CALCOCO2: variants seen among roughly 807,000 people sequenced by gnomAD.
The protein encoded by CALCOCO2 is calcium binding and coiled-coil domain 2, also known as calcium-binding and coiled-coil domain-containing protein 2.
CALCOCO2 carries 42 observed loss-of-function variants against 62.5 expected under a neutral mutation model. That is an observed-to-expected ratio of 0.67 (90% CI 0.53 to 0.87). The LOEUF (loss-of-function observed/expected upper bound fraction) is 0.87, where lower values mean the gene tolerates loss of function less well. CALCOCO2 is among the 40% of genes least tolerant of loss of function. The probability of loss-of-function intolerance (pLI) is 0.00; values close to 1 mark genes in which losing one functional copy is unlikely to be tolerated. For synonymous variants in CALCOCO2, 167 were observed against 173.0 expected, an observed-to-expected ratio of 0.97 and a Z score of 0.27; for missense variants, 456 against 515.0, an observed-to-expected ratio of 0.89 and a Z score of 1.11.
At chr17:48,844,854 T>C (rs1188928256) in intron 2 of CALCOCO2, among the ~76,000 whole-genome samples, 1 of 152,082 alleles carries the variant, frequency 6.6e-6, no homozygotes, top group East Asian at 1.9e-4. Flanking sequence ...TTTAAAAATA[T>C]TTTGTCCAGG....
At chr17:48,836,758 C>CT (rs762035927) in intron 1 of CALCOCO2, among the ~76,000 whole-genome samples, 1,436 of 122,318 alleles carry the variant, frequency 0.012, 31 homozygotes, top group African/African-American at 0.03. Flanking sequence ...GGAAGTCACT[C>CT]TTTTTTTTTT....
intron 1 of CALCOCO2, among the ~76,000 whole-genome samples, chr17:48,833,546 C>CAA (rs10583747): frequency 7.8e-6 from 1 of 128,480 alleles, no homozygotes; most frequent in Non-Finnish European, 1.7e-5. Flanking sequence ...GACTCTGTCT[C>CAA]AAAAAAAAAA....
intron 7 of CALCOCO2, 198 bp from the exon 8 acceptor site, chr17:48,852,308 G>A (rs1337793686): frequency 1.9e-6 from 1 of 517,404 alleles, no homozygotes; most frequent in African/African-American, 1.9e-5. Context: ...ATATAGAGCA[G>A]ATAGCAGAAC....
chr17:48,840,955 G>A (rs1487348360), intron 1 of CALCOCO2, among the ~76,000 whole-genome samples: 1 of 152,162 alleles, frequency 6.6e-6, no homozygotes, highest in African/African-American at 2.4e-5. Context: ...TGTGTGAAGT[G>A]CCTACAATGG....
chr17:48,861,090 G>T (rs141174762), intron 11 of CALCOCO2, among the ~76,000 whole-genome samples: 7 of 152,064 alleles, frequency 4.6e-5, no homozygotes, highest in African/African-American at 1.7e-4. Context: ...GTTTGTGGCC[G>T]TGCGCGGTGG....
intron 9 of CALCOCO2, chr17:48,853,264 C>A: frequency 4.9e-6 from 2 of 410,294 alleles, no homozygotes; most frequent in Non-Finnish European, 9.1e-6. Context: ...TTAACTAGAT[C>A]CTTGGACTAG....
intron 10 of CALCOCO2, among the ~76,000 whole-genome samples, chr17:48,858,755 G>A (rs2040280807): frequency 6.6e-6 from 1 of 151,970 alleles, no homozygotes; most frequent in Admixed American, 6.6e-5. Flanking sequence ...GTATTTGGAA[G>A]CTTTGTTAAG....
chr17:48,854,378 T>TTTTATATA (rs1489635512), intron 9 of CALCOCO2, among the ~76,000 whole-genome samples: 5 of 12,160 alleles, frequency 4.1e-4, no homozygotes, highest in Non-Finnish European at 7.5e-4. Flanking sequence ...TGGTTTTCTT[T>TTTTATATA]TATTTATATA....
chr17:48,854,402 T>A (rs1468126220), intron 9 of CALCOCO2, among the ~76,000 whole-genome samples: 379 of 5,956 alleles, frequency 0.064, 33 homozygotes, highest in African/African-American at 0.12. Context: ...ATATATTTTT[T>A]TTTTTTTTTT....
At chr17:48,850,231 A>ATG (rs2040108566) in intron 5 of CALCOCO2, among the ~76,000 whole-genome samples, 1 of 152,108 alleles carries the variant, frequency 6.6e-6, no homozygotes, top group African/African-American at 2.4e-5. Flanking sequence ...CCTGGGAGGC[A>ATG]GAGGTTGCAG....
chr17:48,842,634 A>ACAATGCCTAG (rs1329734996), intron 2 of CALCOCO2: 2 of 148,698 alleles, frequency 1.3e-5, no homozygotes, highest in Non-Finnish European at 3.0e-5. Context: ...ACAATGCCTA[A>ACAATGCCTAG]CTGATTTCTT....
chr17:48,848,379 G>C lies in CALCOCO2; in HGVS notation c.341G>C (p.Gly114Ala), dbSNP rs531945393. Residue 114 changes from glycine to alanine, a missense_variant, in exon 4 of 13, where the codon GGT (glycine) becomes GCT (alanine). Gly to Ala is a moderately conservative substitution (Grantham distance 60). Transcript: ENST00000258947. ...CAGTTCTGCTATGTGGATGAGGATG[G>C]TGTGGTCCGGGGAGCAAGTATTCCT... ...YYQFCYVDED[G>A]VVRGASIPFQ... is the part of the protein sequence containing the mutation. The C allele has an allele frequency of 2.7e-4, 439 of 1,613,220 alleles. 8 individuals carry two copies. In the South Asian group the frequency reaches 4.6e-3, roughly 17 times the overall value.
chr17:48,832,294 T>C (rs2039825113), intron 1 of CALCOCO2, among the ~76,000 whole-genome samples: 1 of 152,178 alleles, frequency 6.6e-6, no homozygotes, highest in South Asian at 2.1e-4. Context: ...CTTGGGAGGC[T>C]GAGGCAGGAG....
intron 11 of CALCOCO2, among the ~76,000 whole-genome samples, chr17:48,861,656 T>TGC (rs1295620334): frequency 2.2e-5 from 1 of 45,110 alleles, no homozygotes; most frequent in Non-Finnish European, 4.8e-5. Context: ...TATATATGTG[T>TGC]GTGTGTATAT....
intron 9 of CALCOCO2, among the ~76,000 whole-genome samples, chr17:48,855,413 A>G (rs2040201360): frequency 6.6e-6 from 1 of 152,188 alleles, no homozygotes; most frequent in South Asian, 2.1e-4. Flanking sequence ...GGGCACCAGC[A>G]TTCAAATAAA....
intron 1 of CALCOCO2, among the ~76,000 whole-genome samples, chr17:48,832,875 G>A (rs1262150577): frequency 2.0e-5 from 3 of 152,148 alleles, no homozygotes; most frequent in East Asian, 3.8e-4. Flanking sequence ...TAGAACTGGC[G>A]CCAGCACTAT....
chr17:48,848,514 G>A, intron 4 of CALCOCO2, 59 bp downstream of exon 4: 1 of 1,512,684 alleles, frequency 6.6e-7, no homozygotes, highest in Non-Finnish European at 9.1e-7. Flanking sequence ...ATATAGGATA[G>A]GATGGAATTT....
At chr17:48,846,031 C>T in intron 2 of CALCOCO2, 1 of 1,422,676 alleles carries the variant, frequency 7.0e-7, no homozygotes, top group Admixed American at 2.1e-5. Flanking sequence ...AGTGTTCTTT[C>T]AGTGTAGTCT....
Position 48,863,895 on chromosome 17 carries a change from A to G in CALCOCO2, c.*890A>G, listed in dbSNP as rs995735404. On this transcript the variant is annotated 3_prime_UTR_variant, in exon 13 of 13. Coordinates refer to ENST00000258947, the MANE Select transcript of CALCOCO2 (RefSeq NM_005831.5). Reference sequence around the variant, plus strand: ...TTTATGGTCTTCTGTTTTGAAGCTCATGGGAAAATTGTGATCAAAAGGGCT... The same window carrying G: ...TTTATGGTCTTCTGTTTTGAAGCTCGTGGGAAAATTGTGATCAAAAGGGCT... 1.3e-5 allele frequency: 2 copies of G among 152,048 alleles called. No individual in the cohort carries two copies. The highest frequency in any genetic ancestry group is 4.8e-5 in the African/African-American group (2 of 41,398). The allele number at this position is 152,048 out of a possible 1,614,324, so 9.4% of individuals were successfully genotyped here.
Sources: gnomAD v4.1 joint callset for allele counts (sites outside exome capture counted in the v4.1 genomes callset) on GRCh38, gnomAD v4.1.1 for gene constraint, MANE v1.5 for transcripts, NCBI Gene and HGNC (gene_info 2026-07-23, HGNC 2026-07-21) for gene names.